Variants in HS6ST3 observed in about 807,000 individuals in gnomAD.
HS6ST3 encodes heparan-sulfate 6-O-sulfotransferase 3.
In HS6ST3, 12 loss-of-function variants were observed where a neutral mutation model predicts 36.7. The observed-to-expected ratio is 0.33, with a 90% CI of 0.21 to 0.53. HS6ST3 has a LOEUF of 0.53. HS6ST3 is among the 20% of genes least tolerant of loss of function. The pLI is 0.95. For missense variants in HS6ST3, 584 were observed against 640.9 expected, an observed-to-expected ratio of 0.91 and a Z score of 0.96; for synonymous variants, 240 against 257.5, an observed-to-expected ratio of 0.93 and a Z score of 0.65.
intron 1 of HS6ST3, among the ~76,000 whole-genome samples, chr13:96,303,970 C>T (rs2054896149): frequency 6.6e-6 from 1 of 151,916 alleles, no homozygotes; most frequent in Admixed American, 6.6e-5. Context: ...TGGCAAAACC[C>T]CATCTTTACT....
At chr13:96,282,183 A>G (rs1350868073) in intron 1 of HS6ST3, among the ~76,000 whole-genome samples, 1 of 152,190 alleles carries the variant, frequency 6.6e-6, no homozygotes, top group Non-Finnish European at 1.5e-5. Flanking sequence ...CAGCCCAGTC[A>G]TGCAAAGATG....
intron 1 of HS6ST3, among the ~76,000 whole-genome samples, chr13:96,693,684 T>C (rs1375204976): frequency 6.6e-6 from 1 of 152,172 alleles, no homozygotes; most frequent in Non-Finnish European, 1.5e-5. Flanking sequence ...AAAATGATGA[T>C]TGACTGTAAG....
intron 1 of HS6ST3, among the ~76,000 whole-genome samples, chr13:96,401,202 CT>C (rs1055472691): frequency 3.9e-5 from 6 of 152,128 alleles, no homozygotes; most frequent in African/African-American, 1.2e-4. Context: ...CTTTTCCCCC[CT>C]AATTGAAAAG....
At chr13:96,695,894 A>T (rs950764615) in intron 1 of HS6ST3, among the ~76,000 whole-genome samples, 5 of 152,222 alleles carry the variant, frequency 3.3e-5, no homozygotes, top group African/African-American at 4.8e-5. Flanking sequence ...TTAAAGAATC[A>T]GGCCTTCTGA....
intron 1 of HS6ST3, among the ~76,000 whole-genome samples, chr13:96,234,283 G>A (rs1024764331): frequency 2.8e-4 from 43 of 151,944 alleles, no homozygotes; most frequent in African/African-American, 9.2e-4. Flanking sequence ...GGTGGCACGT[G>A]CCTGTAATCC....
intron 1 of HS6ST3, among the ~76,000 whole-genome samples, chr13:96,188,006 A>G (rs545593339): frequency 3.7e-4 from 57 of 152,312 alleles, no homozygotes; most frequent in African/African-American, 1.3e-3. Flanking sequence ...GGTGCTGGTT[A>G]TATGCATAAT....
At chr13:96,140,655 G>A (rs1436138046) in intron 1 of HS6ST3, among the ~76,000 whole-genome samples, 2 of 152,312 alleles carry the variant, frequency 1.3e-5, no homozygotes, top group East Asian at 1.9e-4. Context: ...AAAGACCATT[G>A]TAAAAGAAAA....
At chr13:96,752,941 T>C (rs940534504) in intron 1 of HS6ST3, among the ~76,000 whole-genome samples, 6 of 152,190 alleles carry the variant, frequency 3.9e-5, no homozygotes, top group Admixed American at 1.3e-4. Context: ...AATTTCTTTT[T>C]TGTGAATGGT....
At chr13:96,344,407 T>A (rs1455288083) in intron 1 of HS6ST3, among the ~76,000 whole-genome samples, 2 of 152,208 alleles carry the variant, frequency 1.3e-5, no homozygotes, top group Non-Finnish European at 2.9e-5. Context: ...CAAGATTGAG[T>A]CTCAAAATGT....
intron 1 of HS6ST3, among the ~76,000 whole-genome samples, chr13:96,737,970 A>G (rs867193987): frequency 1.3e-5 from 2 of 152,192 alleles, no homozygotes; most frequent in Middle Eastern, 3.4e-3. Context: ...TTGTGATTAC[A>G]TTAGGTTTAC....
chr13:96,554,239 A>T (rs1472016553), intron 1 of HS6ST3, among the ~76,000 whole-genome samples: 1 of 152,208 alleles, frequency 6.6e-6, no homozygotes, highest in East Asian at 1.9e-4. Context: ...ACCATTCAAA[A>T]TAGATAACAG....
At chr13:96,223,655 G>T (rs79670336) in intron 1 of HS6ST3, among the ~76,000 whole-genome samples, 8 of 134,788 alleles carry the variant, frequency 5.9e-5, no homozygotes, top group Admixed American at 1.7e-4. Flanking sequence ...AATGGATATG[G>T]GGGGGGGGAA....
chr13:96,107,301 A>T (rs540994641), intron 1 of HS6ST3, among the ~76,000 whole-genome samples: 14 of 152,202 alleles, frequency 9.2e-5, no homozygotes, highest in African/African-American at 3.1e-4. Flanking sequence ...TGGAGTGGAG[A>T]CTATTCCTTG....
intron 1 of HS6ST3, among the ~76,000 whole-genome samples, chr13:96,682,215 A>T (rs1449220824): frequency 6.6e-6 from 1 of 152,154 alleles, no homozygotes; most frequent in Non-Finnish European, 1.5e-5. Context: ...ACATGCCTAT[A>T]TGCTTTTGTA....
At chr13:96,653,859 T>C (rs914205443) in intron 1 of HS6ST3, among the ~76,000 whole-genome samples, 1 of 152,176 alleles carries the variant, frequency 6.6e-6, no homozygotes, top group African/African-American at 2.4e-5. Context: ...TCCAATCCTC[T>C]CAAGCATCTG....
intron 1 of HS6ST3, among the ~76,000 whole-genome samples, chr13:96,775,144 T>C (rs1877356168): frequency 6.6e-6 from 1 of 152,074 alleles, no homozygotes; most frequent in Admixed American, 6.6e-5. Context: ...AGAGATTTTG[T>C]CACTACCAGG....
intron 1 of HS6ST3, among the ~76,000 whole-genome samples, chr13:96,561,779 C>T (rs1388079020): frequency 1.3e-5 from 2 of 152,146 alleles, no homozygotes; most frequent in African/African-American, 4.8e-5. Flanking sequence ...ATAAAAAATG[C>T]TCATCATCAC....
chr13:96,382,087 G>A (rs997688294), intron 1 of HS6ST3, among the ~76,000 whole-genome samples: 7 of 152,114 alleles, frequency 4.6e-5, no homozygotes, highest in Non-Finnish European at 1.0e-4. Context: ...CAGGGAACAG[G>A]AGCCTGCTAC....
At position 96,120,505 on chromosome 13, in the gene HS6ST3, C is replaced by T. The variant is rs556642195; in HGVS notation, c.707+28936C>T. The stretch of plus-strand genomic sequence containing the variant: ...TCTAAAAAATACCTAAATGTATATA[C>T]GTATATTCCTTCAATTTATTTCCTA... On this transcript the variant is annotated intron_variant, in intron 1 of 1. Transcript: ENST00000376705. Among the ~76,000 whole-genome samples the T allele has an allele frequency of 3.2e-4, 49 of 152,242 alleles. 1 individual carries two copies. In the South Asian group the frequency reaches 7.9e-3, roughly 24 times the overall value.
Sources: gnomAD v4.1 joint callset for allele counts (sites outside exome capture counted in the v4.1 genomes callset) on GRCh38, gnomAD v4.1.1 for gene constraint, MANE v1.5 for transcripts, NCBI Gene and HGNC (gene_info 2026-07-23, HGNC 2026-07-21) for gene names.